The following BRDT variants were observed in gnomAD, a reference collection of about 807,000 sequenced individuals.
BRDT encodes bromodomain testis associated.
Under a neutral mutation model 113.9 loss-of-function variants are expected in BRDT, and 77 were observed. The observed-to-expected ratio is 0.68, with a 90% CI of 0.56 to 0.82. The LOEUF is 0.82. Ranked by LOEUF, BRDT falls within the 40% of genes least tolerant of loss-of-function variation. BRDT has a pLI of 0.00. For missense variants in BRDT, 1,027 were observed against 1,105.4 expected, an observed-to-expected ratio of 0.93 and a Z score of 1.01; for synonymous variants, 358 against 366.5, an observed-to-expected ratio of 0.98 and a Z score of 0.26.
At chr1:91,953,874 T>C (rs1681413274) in intron 1 of BRDT, among the ~76,000 whole-genome samples, 1 of 152,232 alleles carries the variant, frequency 6.6e-6, no homozygotes, top group South Asian at 2.1e-4. Flanking sequence ...AATGAGTGGT[T>C]ACTATGTAAC....
chr1:91,981,124 G>C lies in BRDT; in HGVS notation c.1696G>C (p.Glu566Gln). 1 of 1,612,956 alleles carries C rather than the reference G, an allele frequency of 6.2e-7. No individual in the cohort carries two copies. The highest frequency in any genetic ancestry group is 8.5e-7 in the Non-Finnish European group (1 of 1,179,796). ...FETLKASTLR[E>Q]LEKYVSACLR... ...AACACTGAAAGCATCAACACTAAGAGAATTAGAAAAATATGTTTCGGCATG... is the reference window on the plus strand; with the variant it reads ...AACACTGAAAGCATCAACACTAAGACAATTAGAAAAATATGTTTCGGCATG... Residue 566 changes from glutamate to glutamine, a missense_variant, in exon 10 of 19, where the codon GAA becomes CAA. By Grantham distance (29) the Glu-to-Gln change is conservative. Coordinates refer to ENST00000399546, the MANE Select transcript of BRDT (RefSeq NM_207189.4).
At chr1:92,007,544 C>A (rs1040599301) in intron 18 of BRDT, among the ~76,000 whole-genome samples, 11 of 152,200 alleles carry the variant, frequency 7.2e-5, no homozygotes, top group African/African-American at 2.7e-4. Flanking sequence ...CAGTTCCATC[C>A]ATGTTCCTGC....
chr1:92,001,958 G>T lies in BRDT; in HGVS notation c.2288-91G>T, dbSNP rs1237199318. 12 of 862,162 alleles carry T rather than the reference G, an allele frequency of 1.4e-5. No homozygotes were observed. In the East Asian group the frequency reaches 3.1e-4, roughly 22 times the overall value. The allele number at this position is 862,162 out of a possible 1,614,324, so 53.4% of individuals were successfully genotyped here. A position where few individuals can be genotyped will look rare whatever the true frequency, so the allele number is the denominator to read the frequency against. ...AAAAATTAGTCTCTTTGTTTTCATAGTGTCTGACCTGGAAGGAAAAATAAA... is the reference window on the plus strand; with the variant it reads ...AAAAATTAGTCTCTTTGTTTTCATATTGTCTGACCTGGAAGGAAAAATAAA... On this transcript the variant is annotated intron_variant, in intron 15 of 18. Transcript: ENST00000399546.
chr1:91,964,617 A>G lies in BRDT; in HGVS notation c.193-10A>G. 2 of 1,354,144 alleles carry G rather than the reference A, an allele frequency of 1.5e-6. No homozygotes were observed. Among genetic ancestry groups the G allele is most frequent in the Non-Finnish European group, 2.0e-6 (2 of 993,578 alleles). The allele number at this position is 1,354,144 out of a possible 1,614,324, so 83.9% of individuals were successfully genotyped here. The stretch of plus-strand genomic sequence containing the variant: ...TCTTACTAACATTTAGAATTTGTTC[A>G]AAACCATAGGATTATTATACCATTA... On this transcript the variant is annotated splice_polypyrimidine_tract_variant and intron_variant, in intron 2 of 18. Transcript: ENST00000399546.
chr1:91,953,941 G>C (rs2031891), intron 1 of BRDT, among the ~76,000 whole-genome samples: 147,143 of 152,118 alleles, frequency 0.97, 71,318 homozygotes, highest in East Asian at 1. Flanking sequence ...TTTTTACTTA[G>C]CATTTTCTTC....
chr1:91,974,542 C>A (rs532379878), intron 4 of BRDT, among the ~76,000 whole-genome samples: 1 of 152,332 alleles, frequency 6.6e-6, no homozygotes, highest in South Asian at 2.1e-4. Flanking sequence ...TGCTCATCAT[C>A]ACTGGCCATC....
chr1:91,967,707 A>G (rs1440498042), intron 3 of BRDT, among the ~76,000 whole-genome samples: 3 of 151,572 alleles, frequency 2.0e-5, no homozygotes, highest in Non-Finnish European at 2.9e-5. Flanking sequence ...CTAATTTTGT[A>G]TTTTTAGTAG....
intron 18 of BRDT, among the ~76,000 whole-genome samples, chr1:92,012,051 A>G (rs1687840459): frequency 6.6e-6 from 1 of 152,188 alleles, no homozygotes; most frequent in South Asian, 2.1e-4. Context: ...GCTCACGCCT[A>G]TAATCTTAAC....
chr1:91,970,725 A>C (rs1683542527), intron 4 of BRDT, among the ~76,000 whole-genome samples: 1 of 152,198 alleles, frequency 6.6e-6, no homozygotes, highest in Non-Finnish European at 1.5e-5. Flanking sequence ...CAGCCTGAGC[A>C]GGATAGGAGG....
chr1:91,957,258 C>A (rs1681877540), intron 1 of BRDT, among the ~76,000 whole-genome samples: 1 of 152,104 alleles, frequency 6.6e-6, no homozygotes, highest in South Asian at 2.1e-4. Flanking sequence ...CTTTGGGAGG[C>A]CGAGGCAGGC....
At chr1:91,976,609 A>AG (rs1684163810) in intron 5 of BRDT, among the ~76,000 whole-genome samples, 171 bp downstream of exon 5, 1 of 152,180 alleles carries the variant, frequency 6.6e-6, no homozygotes, top group Non-Finnish European at 1.5e-5. Context: ...ATGAATAGAC[A>AG]CCTAAGAGGC....
chr1:91,983,756 G>A (rs983769235), intron 12 of BRDT, among the ~76,000 whole-genome samples: 1 of 149,726 alleles, frequency 6.7e-6, no homozygotes, highest in African/African-American at 2.5e-5. Flanking sequence ...TGATGTGATT[G>A]TGGCCTCCTC....
At chr1:91,980,144 C>T (rs764063493) in intron 8 of BRDT, among the ~76,000 whole-genome samples, 14 of 152,162 alleles carry the variant, frequency 9.2e-5, no homozygotes, top group Non-Finnish European at 1.9e-4. Context: ...CCGTGGCTCA[C>T]GCCTGTAACC....
chr1:91,967,293 A>G (rs1219214927), intron 3 of BRDT, among the ~76,000 whole-genome samples: 3 of 151,366 alleles, frequency 2.0e-5, no homozygotes, highest in South Asian at 2.1e-4. Context: ...CTGGAGTGCA[A>G]TGGTGCAATC....
At chr1:91,976,940 C>G in intron 5 of BRDT, 103 bp from the exon 6 acceptor site, 2 of 875,694 alleles carry the variant, frequency 2.3e-6, no homozygotes, top group East Asian at 2.8e-5. Context: ...TATATGAAGA[C>G]TTGGTGCCAA....
chr1:91,959,055 G>A (rs182973234), intron 1 of BRDT, among the ~76,000 whole-genome samples: 2 of 152,064 alleles, frequency 1.3e-5, no homozygotes, highest in Admixed American at 6.6e-5. Flanking sequence ...TCAAAAAAAA[G>A]TAGAAAATGA....
chr1:91,969,715 C>A (rs976184671), intron 4 of BRDT, among the ~76,000 whole-genome samples: 14 of 151,166 alleles, frequency 9.3e-5, no homozygotes, highest in African/African-American at 3.4e-4. Context: ...TTTTATTGAT[C>A]TTTTATCTGA....
chr1:91,965,901 C>T (rs1683022091), intron 3 of BRDT, among the ~76,000 whole-genome samples: 1 of 151,988 alleles, frequency 6.6e-6, no homozygotes, highest in South Asian at 2.1e-4. Context: ...CTCCCTTTTG[C>T]CTTTCCCTGT....
chr1:91,976,323 C>G lies in BRDT; in HGVS notation c.503C>G (p.Thr168Arg). The G allele has an allele frequency of 6.2e-7, 1 of 1,612,228 alleles. No individual in the cohort carries two copies. The highest frequency in any genetic ancestry group is 8.5e-7 in the Non-Finnish European group (1 of 1,179,338). Residue 168 changes from threonine (T) to arginine (R), a missense_variant, in exon 5 of 19, where the codon ACA (threonine) becomes AGA (arginine). Coordinates refer to ENST00000399546, the MANE Select transcript of BRDT (RefSeq NM_207189.4). The stretch of plus-strand genomic sequence containing the variant: ...AAAGAAAAATCATCACCCAGCGCAA[C>G]AGAAAAAGTATTTAAGCAGCAAGAA... ...SAKEKSSPSA[T>R]EKVFKQQEIP...
Sources: allele counts gnomAD v4.1 joint callset (sites outside exome capture counted in the v4.1 genomes callset), GRCh38; gene constraint gnomAD v4.1.1; transcripts MANE v1.5; gene names NCBI Gene and HGNC (gene_info 2026-07-23, HGNC 2026-07-21).